Variants in GHR observed in about 807,000 individuals in gnomAD.
GHR encodes the protein growth hormone receptor, also known as GH receptor.
A neutral mutation model predicts 67.1 loss-of-function variants in GHR; 35 were observed. That is an observed-to-expected ratio of 0.52 (90% CI 0.40 to 0.69). The LOEUF (loss-of-function observed/expected upper bound fraction) is 0.69, where lower values mean the gene tolerates loss of function less well. Ranked by LOEUF, GHR falls within the 30% of genes least tolerant of loss-of-function variation. The pLI, the probability that GHR is intolerant of heterozygous loss-of-function variation, is 0.00. For missense variants in GHR, 792 were observed against 764.6 expected, an observed-to-expected ratio of 1.04 and a Z score of -0.42; for synonymous variants, 272 against 269.1, an observed-to-expected ratio of 1.01 and a Z score of -0.10.
In GHR at chr5:42,497,497, T is replaced by G. The variant is rs183536159; in HGVS notation, c.-11-68367T>G. 3.9e-3 allele frequency among the ~76,000 whole-genome samples: 598 copies of G among 152,302 alleles called. 4 individuals are homozygous for G. The highest frequency in any genetic ancestry group is 0.014 in the African/African-American group (581 of 41,560). ...CAGTTTTGCATAGTTTCAATGTCCTTTTAAGCAAGGATTGCCAAACTACAG... is the reference window on the plus strand; with the variant it reads ...CAGTTTTGCATAGTTTCAATGTCCTGTTAAGCAAGGATTGCCAAACTACAG... On this transcript the variant is annotated intron_variant, in intron 1 of 9. Transcript: ENST00000230882.
intron 1 of GHR, among the ~76,000 whole-genome samples, chr5:42,427,835 CA>C (rs1742920100): frequency 6.6e-6 from 1 of 152,212 alleles, no homozygotes; most frequent in Admixed American, 6.5e-5. Flanking sequence ...GCTATAGGTG[CA>C]AGTCCAAAGT....
chr5:42,522,037 A>C (rs1747497536), intron 1 of GHR, among the ~76,000 whole-genome samples: 1 of 152,198 alleles, frequency 6.6e-6, no homozygotes, highest in African/African-American at 2.4e-5. Context: ...AAGGGAGAAC[A>C]GATAGGACCT....
At chr5:42,685,573 G>C (rs546486907) in intron 3 of GHR, among the ~76,000 whole-genome samples, 1 of 152,132 alleles carries the variant, frequency 6.6e-6, no homozygotes, top group East Asian at 1.9e-4. Context: ...GTGTAAAAGC[G>C]TTCCTATTTC....
chr5:42,555,449 T>A (rs1749257053), intron 1 of GHR, among the ~76,000 whole-genome samples: 1 of 152,194 alleles, frequency 6.6e-6, no homozygotes, highest in African/African-American at 2.4e-5. Context: ...GATTCACTGC[T>A]ACCCTGATTG....
rs562359628 is a variant in GHR at position 42,498,213 on chromosome 5, A to T, written c.-11-67651A>T. 2.6e-5 allele frequency among the ~76,000 whole-genome samples: 4 copies of T among 152,202 alleles called. No individual in the cohort carries two copies. In the South Asian group the frequency reaches 6.2e-4, roughly 24 times the overall value. ...CTTTCATATGCCTAGAGCCTTGTTT[A>T]CTCAGTTCAGGTCTGTACCAGTTGA... is the stretch of plus-strand genomic sequence containing the variant. On this transcript the variant is annotated intron_variant, in intron 1 of 9. Transcript: ENST00000230882.
intron 1 of GHR, among the ~76,000 whole-genome samples, chr5:42,437,821 G>T (rs1358528496): frequency 2.0e-5 from 3 of 151,266 alleles, no homozygotes; most frequent in Non-Finnish European, 2.9e-5. Context: ...CTCTCCAAGT[G>T]CTGGGATTAC....
At chr5:42,702,589 G>A (rs894538935) in intron 6 of GHR, among the ~76,000 whole-genome samples, 5 of 152,028 alleles carry the variant, frequency 3.3e-5, no homozygotes, top group African/African-American at 1.2e-4. Context: ...TCACATGGTA[G>A]TTCTATTTTT....
Position 42,423,817 on chromosome 5 carries a change from C to A in GHR, c.-150C>A, listed in dbSNP as rs368929640. On this transcript the variant is annotated 5_prime_UTR_variant, in exon 1 of 10. Transcript: ENST00000230882. ...GCGGCAGCAGCAGCTGCTACAGTGG[C>A]GGTGGCGGCGGCGGCTGCTGCTGAG... is the stretch of plus-strand genomic sequence containing the variant. 35 of 164,252 alleles carry A rather than the reference C, an allele frequency of 2.1e-4. 1 individual carries two copies. In the South Asian group the frequency reaches 6.0e-3, roughly 28 times the overall value. The allele number at this position is 164,252 out of a possible 1,614,324, so 10.2% of individuals were successfully genotyped here.
At chr5:42,627,326 G>T (rs2112737313) in intron 2 of GHR, among the ~76,000 whole-genome samples, 1 of 152,196 alleles carries the variant, frequency 6.6e-6, no homozygotes, top group Admixed American at 6.5e-5. Context: ...GTTCCCTACT[G>T]TGTCTAGGCG....
At chr5:42,604,320 C>T (rs1345227799) in intron 2 of GHR, among the ~76,000 whole-genome samples, 3 of 152,208 alleles carry the variant, frequency 2.0e-5, no homozygotes, top group East Asian at 3.8e-4. Context: ...AGAGTATTAG[C>T]TAGTGCTAAC....
chr5:42,615,753 A>C (rs1157704112), intron 2 of GHR, among the ~76,000 whole-genome samples: 3 of 151,734 alleles, frequency 2.0e-5, no homozygotes, highest in African/African-American at 4.9e-5. Flanking sequence ...AAAAAAAAAA[A>C]ACATAGAATT....
rs927632214 is a variant in GHR at position 42,659,068 on chromosome 5, C to A, written c.137-29822C>A. 2.0e-5 allele frequency: 3 copies of A among 152,104 alleles called. No homozygotes were observed. The South Asian group carries it at 6.2e-4, about 32-fold the overall frequency. 9.4% of individuals were successfully genotyped at this position (152,104 alleles called of 1,614,324 possible). ...GGTCAACAAATGAAGGCTTGGGGAT[C>A]TATTAACCCACTAGAGTAGTGTAAT... On this transcript the variant is annotated intron_variant, in intron 3 of 9. Transcript: ENST00000230882.
At chr5:42,718,223 A>G (rs1758817388) in intron 9 of GHR, 102 bp downstream of exon 9, 1 of 757,174 alleles carries the variant, frequency 1.3e-6, no homozygotes, top group Non-Finnish European at 2.3e-6. Flanking sequence ...ATCACATTCA[A>G]TTTTCTTGTG....
At chr5:42,709,317 A>G (rs188471764) in intron 6 of GHR, among the ~76,000 whole-genome samples, 127 of 152,186 alleles carry the variant, frequency 8.3e-4, no homozygotes, top group African/African-American at 2.9e-3. Context: ...TAATTTTTGT[A>G]TTTTTAGTAG....
intron 1 of GHR, among the ~76,000 whole-genome samples, chr5:42,480,147 C>CA (rs1297417479): frequency 6.6e-6 from 1 of 152,124 alleles, no homozygotes; most frequent in African/African-American, 2.4e-5. Context: ...GTTATGTACC[C>CA]AGTAGTCATT....
At chr5:42,482,448 T>C (rs1286777325) in intron 1 of GHR, among the ~76,000 whole-genome samples, 1 of 152,170 alleles carries the variant, frequency 6.6e-6, no homozygotes, top group Non-Finnish European at 1.5e-5. Context: ...GTTACTGCTG[T>C]CTTTTTGTTT....
At chr5:42,556,843 T>A (rs1749336377) in intron 1 of GHR, among the ~76,000 whole-genome samples, 1 of 152,192 alleles carries the variant, frequency 6.6e-6, no homozygotes, top group African/African-American at 2.4e-5. Flanking sequence ...CTGAATAGAA[T>A]AACGGTGCAT....
chr5:42,430,036 T>C (rs1230110386), intron 1 of GHR, among the ~76,000 whole-genome samples: 1 of 152,214 alleles, frequency 6.6e-6, no homozygotes, highest in East Asian at 1.9e-4. Flanking sequence ...ATCTACTTTT[T>C]CTCAGGAGGT....
chr5:42,656,510 A>C (rs932275955), intron 3 of GHR, among the ~76,000 whole-genome samples: 1 of 151,954 alleles, frequency 6.6e-6, no homozygotes, highest in Non-Finnish European at 1.5e-5. Flanking sequence ...CTATCTTTGC[A>C]CTCCTGTCCA....
Sources: gnomAD v4.1 joint callset for allele counts (sites outside exome capture counted in the v4.1 genomes callset) on GRCh38, gnomAD v4.1.1 for gene constraint, MANE v1.5 for transcripts, NCBI Gene and HGNC (gene_info 2026-07-23, HGNC 2026-07-21) for gene names.